Variants in OSBPL6 observed in about 807,000 individuals in gnomAD.
OSBPL6 encodes oxysterol-binding protein-related protein 6.
OSBPL6 carries 49 observed loss-of-function variants against 125.8 expected under a neutral mutation model. The ratio of observed to expected loss-of-function variants is 0.39; its 90% CI spans 0.31 to 0.49. The LOEUF is 0.49. Among genes scored for constraint, OSBPL6 ranks in the 20% least tolerant of loss-of-function variants. The probability of loss-of-function intolerance (pLI) is 0.88; values close to 1 mark genes in which losing one functional copy is unlikely to be tolerated. For synonymous variants in OSBPL6, 394 were observed against 391.8 expected, an observed-to-expected ratio of 1.01 and a Z score of -0.07; for missense variants, 986 against 1,135.4, an observed-to-expected ratio of 0.87 and a Z score of 1.89.
chr2:178,353,658 T>A (rs1691500116), intron 12 of OSBPL6, among the ~76,000 whole-genome samples: 1 of 152,164 alleles, frequency 6.6e-6, no homozygotes, highest in African/African-American at 2.4e-5. Flanking sequence ...TTGAACCAAG[T>A]TGGAAAACAC....
rs1696104588 is a variant in OSBPL6 at position 178,401,575 on chromosome 2, A to C, written c.*6016A>C. ...ACAAAATGGTTAACATGAAATGCTA[A>C]TGAAGAAACAAGGCAAGAATGAATA... On this transcript the variant is annotated 3_prime_UTR_variant, in exon 25 of 25. Coordinates refer to ENST00000190611, the MANE Select transcript of OSBPL6 (RefSeq NM_032523.4). 6.6e-6 allele frequency: 1 copy of C among 152,238 alleles called. No individual in the cohort carries two copies. The highest frequency in any genetic ancestry group is 1.5e-5 in the Non-Finnish European group (1 of 68,036). The allele number at this position is 152,238 out of a possible 1,614,324, so 9.4% of individuals were successfully genotyped here. A position where few individuals can be genotyped will look rare whatever the true frequency, so the allele number is the denominator to read the frequency against.
chr2:178,375,744 G>A (rs747567368), intron 15 of OSBPL6, among the ~76,000 whole-genome samples: 12 of 152,122 alleles, frequency 7.9e-5, no homozygotes, highest in Non-Finnish European at 1.8e-4. Flanking sequence ...CTTTAGTCAG[G>A]TTACAGTCAG....
intron 9 of OSBPL6, 88 bp from the exon 10 acceptor site, chr2:178,338,903 T>G: frequency 2.5e-6 from 2 of 811,060 alleles, no homozygotes; most frequent in Non-Finnish European, 4.0e-6. Flanking sequence ...CTACTTATAT[T>G]TGCCATAATT....
intron 1 of OSBPL6, among the ~76,000 whole-genome samples, chr2:178,234,311 T>C (rs1426342876): frequency 6.6e-6 from 1 of 152,164 alleles, no homozygotes; most frequent in African/African-American, 2.4e-5. Flanking sequence ...ATTTCACAGG[T>C]TGTGAGTTGC....
intron 12 of OSBPL6, among the ~76,000 whole-genome samples, chr2:178,359,994 C>A (rs181431348): frequency 1.2e-4 from 18 of 151,960 alleles, no homozygotes; most frequent in African/African-American, 3.4e-4. Flanking sequence ...GGCTGATGCA[C>A]GAGAATTGCT....
At chr2:178,382,655 G>C in intron 16 of OSBPL6, 148 bp downstream of exon 16, 1 of 1,462,202 alleles carries the variant, frequency 6.8e-7, no homozygotes, top group Non-Finnish European at 9.1e-7. Context: ...ATTCTATTTT[G>C]TATGATCTCT....
chr2:178,273,258 G>T (rs1347252476), intron 1 of OSBPL6, among the ~76,000 whole-genome samples: 1 of 152,084 alleles, frequency 6.6e-6, no homozygotes, highest in South Asian at 2.1e-4. Context: ...AGGAATTTCG[G>T]CTTTATTCTG....
At chr2:178,280,481 G>C (rs909881934) in intron 1 of OSBPL6, among the ~76,000 whole-genome samples, 10 of 152,102 alleles carry the variant, frequency 6.6e-5, no homozygotes, top group Admixed American at 5.2e-4. Context: ...GGTTATAGCG[G>C]GTACTACACT....
chr2:178,354,131 C>A (rs935128477), intron 12 of OSBPL6, among the ~76,000 whole-genome samples: 1 of 152,332 alleles, frequency 6.6e-6, no homozygotes, highest in Middle Eastern at 3.4e-3. Context: ...ACTGCGAAAA[C>A]ATGCCAAATT....
In OSBPL6 at chr2:178,324,250, A is replaced by T; in HGVS notation, c.176A>T (p.Glu59Val). ...PSVSRQLLEP[E>V]PVPLSKEADS... ...GTAAGTCGGCAATTGCTAGAACCGG[A>T]GCCAGTCCCCCTCTCCAAGGTCAGT... The change falls in exon 4 of 25, where the codon GAG becomes GTG. Residue 59 changes from glutamate (E) to valine (V), a missense_variant. Coordinates refer to ENST00000190611, the MANE Select transcript of OSBPL6 (RefSeq NM_032523.4). The T allele has an allele frequency of 6.4e-7, 1 of 1,573,766 alleles. No individual in the cohort carries two copies. The highest frequency in any genetic ancestry group is 1.7e-4 in the Middle Eastern group (1 of 5,978).
intron 1 of OSBPL6, among the ~76,000 whole-genome samples, chr2:178,201,336 G>A (rs894163500): frequency 1.3e-5 from 2 of 151,826 alleles, no homozygotes. Context: ...GATTCTTTTG[G>A]GATTACTTTG....
chr2:178,275,881 A>G (rs539085366), intron 1 of OSBPL6, among the ~76,000 whole-genome samples: 24 of 152,334 alleles, frequency 1.6e-4, no homozygotes, highest in African/African-American at 5.8e-4. Flanking sequence ...ATCCTCAGGC[A>G]ATTCAGTGAA....
intron 1 of OSBPL6, among the ~76,000 whole-genome samples, chr2:178,212,840 C>T (rs334021): frequency 0.036 from 5,352 of 149,002 alleles, 309 homozygotes; most frequent in African/African-American, 0.13. Flanking sequence ...ATGAGTCTTT[C>T]TTTGTCACCC....
At chr2:178,344,648 G>A (rs1022161382) in intron 11 of OSBPL6, among the ~76,000 whole-genome samples, 16 of 144,646 alleles carry the variant, frequency 1.1e-4, no homozygotes, top group Non-Finnish European at 1.5e-5. Flanking sequence ...CATGATGTGA[G>A]CTTTCCTTAA....
intron 1 of OSBPL6, among the ~76,000 whole-genome samples, chr2:178,279,608 G>A (rs1683921817): frequency 6.6e-6 from 1 of 152,200 alleles, no homozygotes; most frequent in Non-Finnish European, 1.5e-5. Flanking sequence ...TATTGTGAAT[G>A]TGTTTCAGTT....
At chr2:178,327,973 A>C (rs770365424) in intron 4 of OSBPL6, among the ~76,000 whole-genome samples, 1 of 152,190 alleles carries the variant, frequency 6.6e-6, no homozygotes, top group Non-Finnish European at 1.5e-5. Context: ...AAACATTCTG[A>C]GTACAGGCAA....
intron 1 of OSBPL6, among the ~76,000 whole-genome samples, chr2:178,208,027 G>A (rs1574483375): frequency 6.6e-6 from 1 of 152,270 alleles, no homozygotes; most frequent in East Asian, 1.9e-4. Flanking sequence ...GCTCATGCCT[G>A]TAATCCCAGC....
chr2:178,210,002 TTTTA>T (rs1017175801), intron 1 of OSBPL6, among the ~76,000 whole-genome samples: 2 of 151,952 alleles, frequency 1.3e-5, no homozygotes, highest in Admixed American at 6.6e-5. Flanking sequence ...TATAAGTAAA[TTTTA>T]TTTATTTATC....
chr2:178,247,733 G>A (rs1050862759), intron 1 of OSBPL6, among the ~76,000 whole-genome samples: 3 of 152,138 alleles, frequency 2.0e-5, no homozygotes, highest in Non-Finnish European at 2.9e-5. Flanking sequence ...TTGGGCCTGT[G>A]TTTGAAATGT....
Sources: allele counts gnomAD v4.1 joint callset (sites outside exome capture counted in the v4.1 genomes callset), GRCh38; gene constraint gnomAD v4.1.1; transcripts MANE v1.5; gene names NCBI Gene and HGNC (gene_info 2026-07-23, HGNC 2026-07-21).